Variants in ADORA2B observed in about 807,000 individuals in gnomAD.
The protein encoded by ADORA2B is adenosine receptor A2b.
In ADORA2B, 18 loss-of-function variants were observed where a neutral mutation model predicts 20.8. That is an observed-to-expected ratio of 0.87 (90% CI 0.60 to 1.29). ADORA2B has a LOEUF of 1.29. Ranked by LOEUF, ADORA2B falls within the 50% of genes most tolerant of loss-of-function variation. The pLI, the probability that ADORA2B is intolerant of heterozygous loss-of-function variation, is 0.00. For synonymous variants in ADORA2B, 179 were observed against 178.3 expected (o/e 1.00, Z -0.03); for missense variants, 441 against 422.7 (o/e 1.04, Z -0.38).
At chr17:15,932,351 G>A in the ADORA2B span, among the ~76,000 whole-genome samples, 1 of 151,998 alleles carries the variant, frequency 6.6e-6, no homozygotes, top group African/African-American at 2.4e-5. Flanking sequence ...AAATTAGCTG[G>A]GTATGGTGGC....
At chr17:15,935,616 G>T in the ADORA2B span, among the ~76,000 whole-genome samples, 1 of 151,854 alleles carries the variant, frequency 6.6e-6, no homozygotes, top group African/African-American at 2.4e-5. Context: ...GGAAGTTTTT[G>T]ACCATTATGT....
At chr17:15,864,321 C>G in the ADORA2B span, among the ~76,000 whole-genome samples, 7 of 152,248 alleles carry the variant, frequency 4.6e-5, no homozygotes, top group African/African-American at 1.7e-4. Flanking sequence ...CCAGTTTGCA[C>G]TCCCACCAAA....
chr17:15,974,590 G>A (rs996699733), intron 1 of ADORA2B, 89 bp from the exon 2 acceptor site: 3 of 1,193,680 alleles, frequency 2.5e-6, no homozygotes, highest in Middle Eastern at 2.4e-4. Flanking sequence ...GGTTGTTAAA[G>A]GGTCATGGAA....
At chr17:15,898,453 CTTTTTT>C in the ADORA2B span, among the ~76,000 whole-genome samples, 1 of 127,498 alleles carries the variant, frequency 7.8e-6, no homozygotes, top group African/African-American at 2.9e-5. Context: ...TAATCTCCCA[CTTTTTT>C]TTTTTTTTTT....
At chr17:15,854,926 CT>C in the ADORA2B span, among the ~76,000 whole-genome samples, 32,736 of 140,680 alleles carry the variant, frequency 0.23, 2,832 homozygotes, top group Non-Finnish European at 0.27. Context: ...GGATTTAACT[CT>C]TTTTTTTTTT....
At chr17:15,940,153 A>C (rs1012127371), upstream of ADORA2B, among the ~76,000 whole-genome samples, 2 of 152,250 alleles carry the variant, frequency 1.3e-5, no homozygotes, top group Non-Finnish European at 2.9e-5. Context: ...AGTACAGAAT[A>C]AATAGAAAGC....
chr17:15,874,621 G>A, the ADORA2B span, among the ~76,000 whole-genome samples: 1 of 152,080 alleles, frequency 6.6e-6, no homozygotes, highest in Admixed American at 6.5e-5. Context: ...GAGCCCAAGA[G>A]TTCAAGGCTG....
chr17:15,948,101 G>A (rs1208169506), intron 1 of ADORA2B, among the ~76,000 whole-genome samples: 2 of 152,016 alleles, frequency 1.3e-5, no homozygotes, highest in Non-Finnish European at 2.9e-5. Context: ...AGGGAGTGAG[G>A]GCTAAAGGCT....
the ADORA2B span, among the ~76,000 whole-genome samples, chr17:15,867,635 G>A: frequency 9.2e-4 from 135 of 147,034 alleles, 3 homozygotes; most frequent in Middle Eastern, 3.5e-3. Flanking sequence ...GGGTCAGCCC[G>A]CCGCCCAGCC....
At chr17:15,905,287 G>C in the ADORA2B span, among the ~76,000 whole-genome samples, 2 of 150,576 alleles carry the variant, frequency 1.3e-5, no homozygotes, top group Non-Finnish European at 3.0e-5. Context: ...TTGTTGTTGG[G>C]GGGGGGTTGC....
chr17:15,914,971 T>G, the ADORA2B span, among the ~76,000 whole-genome samples: 19 of 152,354 alleles, frequency 1.2e-4, no homozygotes, highest in Admixed American at 1.2e-3. Context: ...GTCATTGTAT[T>G]CGCTTTCTGT....
the ADORA2B span, among the ~76,000 whole-genome samples, chr17:15,855,694 A>G: frequency 2.0e-5 from 3 of 151,966 alleles, no homozygotes; most frequent in Admixed American, 6.6e-5. Flanking sequence ...AACTTTTTCT[A>G]AAATTTCAAC....
At chr17:15,944,561 G>T (rs1282978838), upstream of ADORA2B, among the ~76,000 whole-genome samples, 1 of 152,110 alleles carries the variant, frequency 6.6e-6, no homozygotes, top group Non-Finnish European at 1.5e-5. This position sits in a 1 kb window ranked among gnomAD's most constrained non-coding sequence, Gnocchi z 4.8. Flanking sequence ...TCGCTGGGAG[G>T]CGGCCGGAGG....
intron 1 of ADORA2B, among the ~76,000 whole-genome samples, chr17:15,947,882 G>T (rs758856): frequency 0.94 from 143,549 of 152,238 alleles, 68,062 homozygotes; most frequent in Non-Finnish European, 0.99. Context: ...GGACATTTGG[G>T]TCCAGCGATC....
Position 15,945,338 on chromosome 17 carries a change from C to T in ADORA2B, c.90C>T (p.Ala30=), listed in dbSNP as rs760906736. Residue 30 remains alanine, a synonymous_variant, in exon 1 of 2, where the codon GCC becomes GCT. Transcript: ENST00000304222. ...LSVAGNVLVC[A]AVGTANTLQT... ...TGGCGGGCAACGTGCTGGTGTGCGC[C>T]GCGGTGGGCACGGCGAACACTCTGC... is the stretch of plus-strand genomic sequence containing the variant. 13 of 1,604,192 alleles carry T rather than the reference C, an allele frequency of 8.1e-6. No individual in the cohort carries two copies. The highest frequency in any genetic ancestry group is 1.7e-5 in the Admixed American group (1 of 59,518).
At chr17:15,892,812 C>T in the ADORA2B span, among the ~76,000 whole-genome samples, 1 of 152,124 alleles carries the variant, frequency 6.6e-6, no homozygotes. Context: ...GCACAGTACA[C>T]AATTCAGTGT....
At chr17:15,935,366 G>A in the ADORA2B span, among the ~76,000 whole-genome samples, 1 of 151,866 alleles carries the variant, frequency 6.6e-6, no homozygotes, top group African/African-American at 2.4e-5. Context: ...CTTTTACTAT[G>A]TCATAGTAGA....
At chr17:15,937,380 A>G in the ADORA2B span, among the ~76,000 whole-genome samples, 2 of 152,282 alleles carry the variant, frequency 1.3e-5, no homozygotes, top group African/African-American at 4.8e-5. Flanking sequence ...AGCCTTTGCA[A>G]AAGGACTTAG....
At chr17:15,875,089 T>G in the ADORA2B span, among the ~76,000 whole-genome samples, 1 of 152,174 alleles carries the variant, frequency 6.6e-6, no homozygotes, top group Non-Finnish European at 1.5e-5. Flanking sequence ...CTTTTCTGTT[T>G]GCATGTTCTT....
Sources: gnomAD v4.1 joint callset for allele counts (sites outside exome capture counted in the v4.1 genomes callset) on GRCh38, gnomAD v4.1.1 for gene constraint, Gnocchi (gnomAD v3.1) non-coding constraint, MANE v1.5 for transcripts, NCBI Gene and HGNC (gene_info 2026-07-23, HGNC 2026-07-21) for gene names.